CCDC141: variants seen among roughly 807,000 people sequenced by gnomAD.
The protein encoded by CCDC141 is coiled-coil domain containing 141, also known as coiled-coil domain-containing protein 141.
In CCDC141, 168 loss-of-function variants were observed where a neutral mutation model predicts 181.0. That is an observed-to-expected ratio of 0.93 (90% CI 0.82 to 1.05). The LOEUF (loss-of-function observed/expected upper bound fraction) is 1.05, where lower values mean the gene tolerates loss of function less well. Ranked by LOEUF, CCDC141 falls within the 50% of genes least tolerant of loss-of-function variation. CCDC141 has a pLI of 0.00. For missense variants in CCDC141, 1,902 were observed against 1,788.5 expected, an observed-to-expected ratio of 1.06 and a Z score of -1.14; for synonymous variants, 666 against 642.3, an observed-to-expected ratio of 1.04 and a Z score of -0.56.
At position 178,865,894 on chromosome 2, in the gene CCDC141, T is replaced by G. The variant is rs1362761325; in HGVS notation, c.2597A>C (p.Lys866Thr). The change falls in exon 17 of 24, where the codon AAG (lysine) becomes ACG (threonine). Residue 866 changes from lysine (K) to threonine (T), a missense_variant. Coordinates refer to ENST00000443758, the MANE Select transcript of CCDC141 (RefSeq NM_173648.4). ...QRPHCSNVSAKNLQQQLELLE... is the reference protein window; with the variant it reads ...QRPHCSNVSATNLQQQLELLE... Reference sequence around the variant, plus strand: ...GAGCTCCAGCTGCTGCTGTAGGTTCTTTGCAGAAACATTAGAGCAGTGCTA... The same window carrying G: ...GAGCTCCAGCTGCTGCTGTAGGTTCGTTGCAGAAACATTAGAGCAGTGCTA... The G allele has an allele frequency of 6.3e-6, 10 of 1,593,432 alleles. No individual in the cohort carries two copies. Among genetic ancestry groups the G allele is most frequent in the Non-Finnish European group, 7.7e-6 (9 of 1,170,372 alleles).
At position 178,888,537 on chromosome 2, in the gene CCDC141, T is replaced by A. The variant is rs749501687; in HGVS notation, c.1397A>T (p.Tyr466Phe). 1.3e-6 allele frequency: 2 copies of A among 1,550,256 alleles called. No individual in the cohort carries two copies. Among genetic ancestry groups the A allele is most frequent in the Non-Finnish European group, 1.7e-6 (2 of 1,146,692 alleles). ...AGTTTACGAAACTACCTTCCGTAGG[T>A]AACCCTCCACTGAGGCTGTTAGTTG... ...KQQLTASVEG[Y>F]LRKVEMSIQK... is the part of the protein sequence containing the mutation. Residue 466 changes from tyrosine (Y) to phenylalanine (F), a missense_variant, in exon 9 of 24, where the codon TAC becomes TTC. Transcript: ENST00000443758.
chr2:179,015,558 C>CATATATATG (rs1553503077), intron 2 of CCDC141, among the ~76,000 whole-genome samples: 921 of 23,358 alleles, frequency 0.039, 64 homozygotes, highest in African/African-American at 0.063. Context: ...TCTCATATCT[C>CATATATATG]ATATATATCT....
intron 8 of CCDC141, among the ~76,000 whole-genome samples, chr2:178,894,839 T>C (rs1455265377): frequency 6.6e-6 from 1 of 152,058 alleles, no homozygotes; most frequent in Non-Finnish European, 1.5e-5. Flanking sequence ...AGAAAAGTAA[T>C]ATTTAAAAAG....
At chr2:178,917,270 G>A (rs1688494298) in intron 7 of CCDC141, among the ~76,000 whole-genome samples, 1 of 152,148 alleles carries the variant, frequency 6.6e-6, no homozygotes, top group African/African-American at 2.4e-5. Flanking sequence ...AACTTAACTA[G>A]CACCTAACAT....
chr2:178,952,349 T>A (rs1158988493), intron 5 of CCDC141, among the ~76,000 whole-genome samples: 1 of 152,262 alleles, frequency 6.6e-6, no homozygotes, highest in South Asian at 2.1e-4. Flanking sequence ...TATGCCAAGC[T>A]GTGCTCAAAG....
At chr2:178,968,010 A>T (rs1163241309) in intron 4 of CCDC141, among the ~76,000 whole-genome samples, 1 of 152,244 alleles carries the variant, frequency 6.6e-6, no homozygotes, top group African/African-American at 2.4e-5. Context: ...ATAATGGTAA[A>T]GGGACCAATG....
At chr2:178,826,779 T>C (rs907251075), downstream of CCDC141, among the ~76,000 whole-genome samples, 3 of 152,084 alleles carry the variant, frequency 2.0e-5, no homozygotes, top group Admixed American at 2.0e-4. Flanking sequence ...GCTAGAAGTA[T>C]ATCAATTTTA....
chr2:178,994,594 T>G (rs1692199677), intron 2 of CCDC141, among the ~76,000 whole-genome samples: 1 of 152,192 alleles, frequency 6.6e-6, no homozygotes, highest in Non-Finnish European at 1.5e-5. Context: ...ATCATTTTCT[T>G]GGGGATTAGC....
At chr2:178,868,679 G>C (rs1685969703) in intron 15 of CCDC141, among the ~76,000 whole-genome samples, 1 of 143,946 alleles carries the variant, frequency 6.9e-6, no homozygotes, top group Non-Finnish European at 1.5e-5. Flanking sequence ...TGGGGCGGGG[G>C]AGAGGGGGTG....
At chr2:178,852,046 T>C (rs1181231516) in intron 20 of CCDC141, among the ~76,000 whole-genome samples, 1 of 152,204 alleles carries the variant, frequency 6.6e-6, no homozygotes, top group African/African-American at 2.4e-5. Flanking sequence ...TTATCAAATA[T>C]TTGTTAAGCA....
Position 178,861,228 on chromosome 2 carries a change from G to A in CCDC141, c.2724+4539C>T, listed in dbSNP as rs189348289. 2.1e-3 allele frequency among the ~76,000 whole-genome samples: 319 copies of A among 151,766 alleles called. 6 individuals are homozygous for A. In the South Asian group the frequency reaches 0.021, roughly 10 times the overall value. ...CTTGTCCAGGCTAGAGTGCAGTGAC[G>A]TGATCACAGCTCACTGTAGCCTCAA... is the stretch of plus-strand genomic sequence containing the variant. On this transcript the variant is annotated intron_variant, in intron 17 of 23. Coordinates refer to ENST00000443758, the MANE Select transcript of CCDC141 (RefSeq NM_173648.4).
At chr2:178,825,678 G>A (rs145311180), downstream of CCDC141, among the ~76,000 whole-genome samples, 51 of 131,140 alleles carry the variant, frequency 3.9e-4, no homozygotes, top group Admixed American at 1.7e-3. Flanking sequence ...GTGACATGTC[G>A]CAACTAGATT....
intron 17 of CCDC141, among the ~76,000 whole-genome samples, chr2:178,863,915 C>A (rs551196328): frequency 1.3e-5 from 2 of 152,174 alleles, no homozygotes; most frequent in African/African-American, 4.8e-5. Context: ...AATCCTGGGG[C>A]GTACCTACTA....
chr2:178,909,337 A>G (rs996612915), intron 7 of CCDC141, among the ~76,000 whole-genome samples: 1 of 152,240 alleles, frequency 6.6e-6, no homozygotes, highest in African/African-American at 2.4e-5. Flanking sequence ...TGTTCTGTGT[A>G]TCACACTTAA....
At chr2:179,040,075 A>G (rs760789221) in intron 2 of CCDC141, among the ~76,000 whole-genome samples, 1 of 152,046 alleles carries the variant, frequency 6.6e-6, no homozygotes, top group Non-Finnish European at 1.5e-5. Context: ...TGAGAGATGA[A>G]CCTTAAGAGG....
At chr2:178,817,466 CAT>C in the CCDC141 span, 562 of 469,924 alleles carry the variant, frequency 1.2e-3, 1 homozygote, top group Non-Finnish European at 1.5e-3. Flanking sequence ...TATAGAAAAA[CAT>C]AGAGTTATGA....
At chr2:178,962,604 CTTT>C (rs1300016944) in intron 4 of CCDC141, among the ~76,000 whole-genome samples, 1 of 150,718 alleles carries the variant, frequency 6.6e-6, no homozygotes, top group African/African-American at 2.4e-5. Context: ...TTCTTTCTTT[CTTT>C]TCTTTCTTTT....
chr2:178,850,850 A>G (rs962608992), intron 20 of CCDC141, among the ~76,000 whole-genome samples: 6 of 152,236 alleles, frequency 3.9e-5, no homozygotes, highest in African/African-American at 1.4e-4. Flanking sequence ...CCATTGCTCA[A>G]TGTAATCCTT....
At chr2:178,897,065 C>T (rs1558963236) in intron 8 of CCDC141, among the ~76,000 whole-genome samples, 1 of 152,058 alleles carries the variant, frequency 6.6e-6, no homozygotes, top group African/African-American at 2.4e-5. Context: ...GCAGGGTAGC[C>T]CCCTTTGTTC....
Sources: gnomAD v4.1 joint callset for allele counts (sites outside exome capture counted in the v4.1 genomes callset) on GRCh38, gnomAD v4.1.1 for gene constraint, MANE v1.5 for transcripts, NCBI Gene and HGNC (gene_info 2026-07-23, HGNC 2026-07-21) for gene names.